The following PRIM2 variants were observed in gnomAD, a reference collection of about 807,000 sequenced individuals.
PRIM2 encodes the protein DNA primase large subunit.
A neutral mutation model predicts 67.3 loss-of-function variants in PRIM2; 39 were observed. The ratio of observed to expected loss-of-function variants is 0.58; its 90% CI spans 0.45 to 0.76. The LOEUF (loss-of-function observed/expected upper bound fraction) is 0.76. PRIM2 is among the 30% of genes least tolerant of loss of function. The probability of loss-of-function intolerance (pLI) is 0.00; values close to 1 mark genes in which losing one functional copy is unlikely to be tolerated. For synonymous variants in PRIM2, 143 were observed against 198.7 expected (o/e 0.72, Z 2.36); for missense variants, 398 against 598.7 (o/e 0.66, Z 3.50).
intron 12 of PRIM2, among the ~76,000 whole-genome samples, chr6:57,615,142 G>A (rs1401595022): frequency 6.6e-6 from 1 of 152,114 alleles, no homozygotes; most frequent in Non-Finnish European, 1.5e-5. Flanking sequence ...TTTAGAGCTG[G>A]GTGCGGTGGC....
chr6:57,348,830 C>T (rs1421834933), intron 5 of PRIM2, among the ~76,000 whole-genome samples: 2 of 149,042 alleles, frequency 1.3e-5, no homozygotes, highest in Non-Finnish European at 3.0e-5. Flanking sequence ...TCACTGCAAC[C>T]TCTGCCTCCC....
At chr6:57,563,057 T>TG (rs1775669132) in intron 10 of PRIM2, among the ~76,000 whole-genome samples, 1 of 152,122 alleles carries the variant, frequency 6.6e-6, no homozygotes, top group Non-Finnish European at 1.5e-5. Context: ...TAGGACAGAA[T>TG]CTCTTAATGC....
chr6:57,285,240 C>G, the PRIM2 span, among the ~76,000 whole-genome samples: 2 of 151,866 alleles, frequency 1.3e-5, no homozygotes, highest in Admixed American at 6.6e-5. Context: ...TTCCAAACAA[C>G]AAAAAAAGAG....
chr6:57,513,240 A>G (rs1380313888), intron 8 of PRIM2, among the ~76,000 whole-genome samples: 19 of 150,784 alleles, frequency 1.3e-4, no homozygotes, highest in African/African-American at 4.7e-4. Flanking sequence ...TTGGAGATAC[A>G]TAAAGGTCTT....
chr6:57,341,965 C>T (rs549545945), intron 5 of PRIM2, among the ~76,000 whole-genome samples: 1 of 152,290 alleles, frequency 6.6e-6, no homozygotes, highest in Non-Finnish European at 1.5e-5. Context: ...TTTCGGTTTC[C>T]TCAATGCTGC....
intron 5 of PRIM2, among the ~76,000 whole-genome samples, chr6:57,345,506 G>GTGTGTGTGTGTGTGTGTGTGTGTATA (rs369673115): frequency 8.2e-6 from 1 of 122,248 alleles, no homozygotes; most frequent in African/African-American, 3.3e-5. Flanking sequence ...GTGTGTGTGT[G>GTGTGTGTGTGTGTGTGTGTGTGTATA]TACATACATA....
chr6:57,333,939 A>G (rs114088618), intron 5 of PRIM2, among the ~76,000 whole-genome samples: 415 of 152,264 alleles, frequency 2.7e-3, no homozygotes, highest in African/African-American at 9.0e-3. Flanking sequence ...CTCACTTAGC[A>G]TTTTTCATCA....
chr6:57,316,058 C>G (rs936931697), upstream of PRIM2, among the ~76,000 whole-genome samples: 11 of 152,180 alleles, frequency 7.2e-5, no homozygotes, highest in African/African-American at 2.7e-4. Context: ...ATCGTTAGCA[C>G]AGTGGGGCCT....
the PRIM2 span, among the ~76,000 whole-genome samples, chr6:57,252,691 T>A: frequency 1.3e-5 from 2 of 152,246 alleles, no homozygotes; most frequent in African/African-American, 2.4e-5. Flanking sequence ...GCTGCCTGCC[T>A]CGGCCTCCCA....
chr6:57,638,301 A>C (rs1285244021), intron 13 of PRIM2, among the ~76,000 whole-genome samples: 2 of 152,184 alleles, frequency 1.3e-5, no homozygotes, highest in African/African-American at 4.8e-5. Flanking sequence ...AAAACATATC[A>C]AATTCTAAAG....
chr6:57,346,462 GTC>G (rs2127297693), intron 5 of PRIM2, among the ~76,000 whole-genome samples: 1 of 152,088 alleles, frequency 6.6e-6, no homozygotes, highest in African/African-American at 2.4e-5. Context: ...TGGGATTACA[GTC>G]GCCCACCACC....
intron 5 of PRIM2, among the ~76,000 whole-genome samples, chr6:57,354,230 C>A (rs1416129552): frequency 2.0e-5 from 3 of 151,802 alleles, no homozygotes; most frequent in African/African-American, 7.3e-5. Context: ...TCCTTCCATG[C>A]TTTCCTTCCT....
the PRIM2 span, among the ~76,000 whole-genome samples, chr6:57,283,404 C>T: frequency 6.6e-6 from 1 of 152,212 alleles, no homozygotes; most frequent in African/African-American, 2.4e-5. Context: ...TACCTCTCTG[C>T]TCTGTTCCTA....
At chr6:57,476,756 A>G (rs1773487059) in intron 7 of PRIM2, among the ~76,000 whole-genome samples, 1 of 151,984 alleles carries the variant, frequency 6.6e-6, no homozygotes, top group Admixed American at 6.6e-5. Context: ...ATATTTATTT[A>G]TTTATTTTTG....
At chr6:57,327,340 A>G (rs1767900245) in intron 5 of PRIM2, among the ~76,000 whole-genome samples, 1 of 152,162 alleles carries the variant, frequency 6.6e-6, no homozygotes, top group Non-Finnish European at 1.5e-5. Flanking sequence ...GCTTAAAGCC[A>G]AATAAAATAA....
chr6:57,506,839 T>G (rs1340872349), intron 7 of PRIM2, among the ~76,000 whole-genome samples: 4 of 152,094 alleles, frequency 2.6e-5, no homozygotes, highest in African/African-American at 9.7e-5. Context: ...GAGGTCATAT[T>G]TCAATATTAA....
At chr6:57,312,009 AAGGGGAG>A (rs1241200578), upstream of PRIM2, among the ~76,000 whole-genome samples, 7 of 90,076 alleles carry the variant, frequency 7.8e-5, no homozygotes, top group Non-Finnish European at 1.2e-4. Flanking sequence ...AGACCGTAGA[AAGGGGAG>A]AGGGGAGAGG....
intron 12 of PRIM2, among the ~76,000 whole-genome samples, chr6:57,627,622 C>T (rs1776973770): frequency 6.6e-6 from 1 of 152,058 alleles, no homozygotes; most frequent in Non-Finnish European, 1.5e-5. Context: ...CTCCTGACCT[C>T]ATGATCCGCC....
the PRIM2 span, among the ~76,000 whole-genome samples, chr6:57,296,913 G>A: frequency 3.9e-3 from 596 of 152,210 alleles, 5 homozygotes; most frequent in African/African-American, 0.014. Flanking sequence ...GGGACATGTT[G>A]ACAGGATACA....
Sources: allele counts gnomAD v4.1 joint callset (sites outside exome capture counted in the v4.1 genomes callset), GRCh38; gene constraint gnomAD v4.1.1; transcripts MANE v1.5; gene names NCBI Gene and HGNC (gene_info 2026-07-23, HGNC 2026-07-21).